The following TNS3 variants were observed in gnomAD, a reference collection of about 807,000 sequenced individuals.
TNS3 encodes the protein tensin-3.
Under a neutral mutation model 140.9 loss-of-function variants are expected in TNS3, and 45 were observed. The observed-to-expected ratio is 0.32, with a 90% CI of 0.25 to 0.41. The LOEUF is 0.41. Among genes scored for constraint, TNS3 ranks in the 10% least tolerant of loss-of-function variants. TNS3 has a pLI of 1.00. For synonymous variants in TNS3, 815 were observed against 788.4 expected, an observed-to-expected ratio of 1.03 and a Z score of -0.56; for missense variants, 1,716 against 1,906.7, an observed-to-expected ratio of 0.90 and a Z score of 1.86.
In TNS3 at chr7:47,460,650, A is replaced by G. The variant is rs540253987; in HGVS notation, c.-75-18595T>C. On this transcript the variant is annotated intron_variant, in intron 4 of 30. Transcript: ENST00000311160. ...CAGCAGCAATAAAGCAAGGAGTGGC[A>G]TAAGGTGTGGGGCCGGAATGGCCCC... Among the ~76,000 whole-genome samples, 110 of 152,370 alleles carry G rather than the reference A, an allele frequency of 7.2e-4. 1 individual carries two copies. In the South Asian group the frequency reaches 0.021, roughly 29 times the overall value.
intron 4 of TNS3, among the ~76,000 whole-genome samples, chr7:47,467,115 C>T (rs944728891): frequency 6.6e-6 from 1 of 152,202 alleles, no homozygotes; most frequent in Non-Finnish European, 1.5e-5. Flanking sequence ...CTATTACAAC[C>T]TGGATGCAAG....
chr7:47,409,438 G>C (rs909947812), intron 13 of TNS3, among the ~76,000 whole-genome samples: 6 of 152,174 alleles, frequency 3.9e-5, no homozygotes, highest in African/African-American at 1.2e-4. Context: ...ACACATCTTA[G>C]CCTGAGGGTC....
intron 11 of TNS3, 75 bp downstream of exon 11, chr7:47,415,019 T>A (rs1351212449): frequency 1.8e-6 from 2 of 1,129,692 alleles, no homozygotes; most frequent in Non-Finnish European, 2.6e-6. Flanking sequence ...GAGGCTTATC[T>A]AAATTGAGGG....
Position 47,568,416 on chromosome 7 carries a change from T to C in TNS3, c.-265+13635A>G, listed in dbSNP as rs183346032. 1.9e-4 allele frequency among the ~76,000 whole-genome samples: 29 copies of C among 152,318 alleles called. No individual in the cohort carries two copies. The East Asian group carries it at 5.2e-3, about 27-fold the overall frequency. Reference sequence around the variant, plus strand: ...GTCCAAGCTGAGATGGTGGGCAAGCTACCTCGCCCTGCATTCACCTTCTGA... The same window carrying C: ...GTCCAAGCTGAGATGGTGGGCAAGCCACCTCGCCCTGCATTCACCTTCTGA... On this transcript the variant is annotated intron_variant, in intron 1 of 30. Coordinates refer to ENST00000311160, the MANE Select transcript of TNS3 (RefSeq NM_022748.12).
intron 20 of TNS3, among the ~76,000 whole-genome samples, chr7:47,314,242 A>G (rs1015541625): frequency 2.0e-5 from 3 of 152,206 alleles, no homozygotes. Flanking sequence ...GAGGATGCTG[A>G]CAGCAGCTAC....
At chr7:47,335,058 T>G (rs1170098018) in intron 20 of TNS3, among the ~76,000 whole-genome samples, 3 of 152,240 alleles carry the variant, frequency 2.0e-5, no homozygotes, top group African/African-American at 7.2e-5. Flanking sequence ...AGGGGAGACT[T>G]GAGATTAAAC....
At chr7:47,453,848 T>C (rs538140416) in intron 4 of TNS3, among the ~76,000 whole-genome samples, 3 of 152,120 alleles carry the variant, frequency 2.0e-5, no homozygotes, top group Admixed American at 6.5e-5. Context: ...AGAGGAAGGG[T>C]GGCCAGCCCG....
At chr7:47,548,585 G>A (rs763615217) in intron 1 of TNS3, among the ~76,000 whole-genome samples, 5 of 152,052 alleles carry the variant, frequency 3.3e-5, no homozygotes, top group Middle Eastern at 3.2e-3. Context: ...CTGTGACCCC[G>A]TGCCCTACCT....
At chr7:47,321,070 G>A (rs1429569229) in intron 20 of TNS3, among the ~76,000 whole-genome samples, 1 of 152,226 alleles carries the variant, frequency 6.6e-6, no homozygotes, top group Non-Finnish European at 1.5e-5. Flanking sequence ...ATTCTGACCA[G>A]CCTGAGGCAG....
At chr7:47,385,943 C>T (rs1415485526) in intron 16 of TNS3, among the ~76,000 whole-genome samples, 3 of 152,206 alleles carry the variant, frequency 2.0e-5, no homozygotes, top group Non-Finnish European at 4.4e-5. Flanking sequence ...TGCTATTGCT[C>T]TAACCGTTTG....
At chr7:47,367,511 G>A (rs1411984220) in intron 17 of TNS3, among the ~76,000 whole-genome samples, 1 of 152,200 alleles carries the variant, frequency 6.6e-6, no homozygotes, top group East Asian at 1.9e-4. Context: ...TTCCTCCCAG[G>A]CCTCAAGGCT....
chr7:47,491,206 CG>C (rs1194542043), intron 3 of TNS3, among the ~76,000 whole-genome samples: 1 of 152,184 alleles, frequency 6.6e-6, no homozygotes, highest in African/African-American at 2.4e-5. Flanking sequence ...TGAACATGCA[CG>C]GTATGTGGTG....
chr7:47,292,437 A>C (rs920183232), intron 26 of TNS3, among the ~76,000 whole-genome samples: 1 of 152,262 alleles, frequency 6.6e-6, no homozygotes, highest in Non-Finnish European at 1.5e-5. Flanking sequence ...ACAAACATAA[A>C]AGTAAAAAGA....
chr7:47,571,651 C>T (rs1287037656), intron 1 of TNS3, among the ~76,000 whole-genome samples: 2 of 152,272 alleles, frequency 1.3e-5, no homozygotes, highest in East Asian at 1.9e-4. Flanking sequence ...CCCACTCATT[C>T]GCCCAGCTCA....
rs1290356809 is a variant in TNS3 at position 47,292,892 on chromosome 7, G to A, written c.3786C>T (p.Ala1262=). The change falls in exon 26 of 31, where the codon GCC becomes GCT. Residue 1262 remains alanine, a synonymous_variant. Coordinates refer to ENST00000311160, the MANE Select transcript of TNS3 (RefSeq NM_022748.12). ...SNEPYFGSLT[A]LVCQHSITPL... ...GCGTGATGGAATGCTGGCACACCAA[G>A]GCCGTCAGGCTCCCTGCAAAGTGGA... is the stretch of plus-strand genomic sequence containing the variant. 1.2e-6 allele frequency: 2 copies of A among 1,614,122 alleles called. No individual in the cohort carries two copies. Among genetic ancestry groups the A allele is most frequent in the Admixed American group, 1.7e-5 (1 of 60,030 alleles).
intron 20 of TNS3, among the ~76,000 whole-genome samples, chr7:47,305,447 A>G (rs754484090): frequency 6.6e-5 from 10 of 152,340 alleles, no homozygotes; most frequent in African/African-American, 1.9e-4. Flanking sequence ...ACTTCTCCCA[A>G]TAAAGACCAT....
chr7:47,337,550 T>C (rs539997734), intron 20 of TNS3, among the ~76,000 whole-genome samples: 15 of 152,224 alleles, frequency 9.9e-5, no homozygotes, highest in Non-Finnish European at 1.9e-4. Flanking sequence ...GGTCAGCTGA[T>C]TGCACCACCT....
At position 47,581,335 on chromosome 7, in the gene TNS3, T is replaced by TC. The variant is rs1369393099; in HGVS notation, c.-265+715dup. On this transcript the variant is annotated intron_variant, in intron 1 of 30. Transcript: ENST00000311160. ...GGACAGCACCCCCCACCCCAGAATA[T>TC]CCCCCCACCCCGAGGTCCCGTCCTT... is the stretch of plus-strand genomic sequence containing the variant. 3 of 37,906 alleles carry TC rather than the reference T, an allele frequency of 7.9e-5. No homozygotes were observed. The East Asian group carries it at 2.2e-3, about 27-fold the overall frequency. 2.3% of individuals were successfully genotyped at this position (37,906 alleles called of 1,614,324 possible). A position where few individuals can be genotyped will look rare whatever the true frequency, so the allele number is the denominator to read the frequency against.
At chr7:47,302,876 C>A in intron 22 of TNS3, 74 bp downstream of exon 22, 1 of 1,509,314 alleles carries the variant, frequency 6.6e-7, no homozygotes. Flanking sequence ...GCCAGCTCAG[C>A]TGCAGGTCTG....
Sources: gnomAD v4.1 joint callset for allele counts (sites outside exome capture counted in the v4.1 genomes callset) on GRCh38, gnomAD v4.1.1 for gene constraint, MANE v1.5 for transcripts, NCBI Gene and HGNC (gene_info 2026-07-23, HGNC 2026-07-21) for gene names.